The following CPA6 variants were observed in gnomAD, a reference collection of about 807,000 sequenced individuals.
The protein encoded by CPA6 is carboxypeptidase B.
CPA6 carries 58 observed loss-of-function variants against 63.3 expected under a neutral mutation model. That is an observed-to-expected ratio of 0.92 (90% CI 0.74 to 1.14). CPA6 has a LOEUF of 1.14. Ranked by LOEUF, CPA6 falls within the 50% of genes most tolerant of loss-of-function variation. The pLI, the probability that CPA6 is intolerant of heterozygous loss-of-function variation, is 0.00. For synonymous variants in CPA6, 185 were observed against 179.0 expected, an observed-to-expected ratio of 1.03 and a Z score of -0.27; for missense variants, 565 against 526.6, an observed-to-expected ratio of 1.07 and a Z score of -0.71.
intron 2 of CPA6, among the ~76,000 whole-genome samples, chr8:67,588,829 G>A (rs1814020540): frequency 1.3e-5 from 2 of 152,258 alleles, no homozygotes; most frequent in Admixed American, 1.3e-4. Context: ...GAGACTAGAA[G>A]CCAGGTTTAC....
chr8:67,602,655 C>T (rs1814525673), intron 2 of CPA6, among the ~76,000 whole-genome samples: 1 of 152,164 alleles, frequency 6.6e-6, no homozygotes, highest in African/African-American at 2.4e-5. Context: ...CAGTTCACTG[C>T]CAGATCTTAG....
intron 1 of CPA6, among the ~76,000 whole-genome samples, chr8:67,713,079 GTGTA>G (rs1377844792): frequency 9.9e-5 from 8 of 80,870 alleles, no homozygotes; most frequent in Admixed American, 6.8e-4. Flanking sequence ...GTATCTGTGT[GTGTA>G]TGTGTGTGTG....
intron 1 of CPA6, among the ~76,000 whole-genome samples, chr8:67,723,354 C>T (rs1017076164): frequency 6.6e-5 from 10 of 152,106 alleles, no homozygotes; most frequent in African/African-American, 1.7e-4. Context: ...TAAATAGAGA[C>T]GAGGGTCTCA....
intron 1 of CPA6, among the ~76,000 whole-genome samples, chr8:67,744,507 CTT>C (rs1205532403): frequency 1.3e-5 from 2 of 152,132 alleles, no homozygotes; most frequent in African/African-American, 4.8e-5. Flanking sequence ...GGCCTGGTAA[CTT>C]TTCACGGAGG....
chr8:67,648,605 G>T (rs1563376545), intron 1 of CPA6, among the ~76,000 whole-genome samples: 1 of 152,194 alleles, frequency 6.6e-6, no homozygotes, highest in East Asian at 1.9e-4. Flanking sequence ...TACAGGGTCT[G>T]CCACATCGGT....
Position 67,509,601 on chromosome 8 carries a change from A to G in CPA6, c.450T>C (p.His150=), listed in dbSNP as rs573364266. Residue 150 remains histidine (H), a synonymous_variant, in exon 5 of 11, where the codon CAT becomes CAC. Transcript: ENST00000297770. Reference sequence around the variant, plus strand: ...GGCCTGAGTGAGTTTTATTCAGATGATGCATCCAATTTTGAATCTAAGAGC... The same window carrying G: ...GGCCTGAGTGAGTTTTATTCAGATGGTGCATCCAATTTTGAATCTAAGAGC... The part of the protein sequence containing the change: ...HSLEEIQNWM[H]HLNKTHSGLI... 4.4e-6 allele frequency: 7 copies of G among 1,580,626 alleles called. No individual in the cohort carries two copies. The African/African-American group carries it at 6.7e-5, about 15-fold the overall frequency.
intron 8 of CPA6, among the ~76,000 whole-genome samples, chr8:67,481,624 C>T (rs185510373): frequency 6.6e-6 from 1 of 152,314 alleles, no homozygotes; most frequent in Non-Finnish European, 1.5e-5. Context: ...CTGTTTTTGT[C>T]ACTTCCATGC....
chr8:67,506,972 C>G, intron 5 of CPA6, 84 bp from the exon 6 acceptor site: 1 of 994,014 alleles, frequency 1.0e-6, no homozygotes, highest in Non-Finnish European at 1.6e-6. Flanking sequence ...CAGCATAATT[C>G]TTCACTGTAG....
At chr8:67,702,356 T>A (rs776992380) in intron 1 of CPA6, among the ~76,000 whole-genome samples, 1 of 152,208 alleles carries the variant, frequency 6.6e-6, no homozygotes, top group Non-Finnish European at 1.5e-5. Context: ...GTCCTCATGA[T>A]CCCATGTAGC....
intron 2 of CPA6, among the ~76,000 whole-genome samples, chr8:67,547,620 G>C (rs755915302): frequency 1.1e-4 from 17 of 151,914 alleles, no homozygotes; most frequent in Non-Finnish European, 2.2e-4. Flanking sequence ...TCAGCCTCTG[G>C]AGTAGCTGGG....
intron 2 of CPA6, among the ~76,000 whole-genome samples, chr8:67,597,573 C>T (rs1278206053): frequency 6.6e-6 from 1 of 152,004 alleles, no homozygotes; most frequent in Non-Finnish European, 1.5e-5. Context: ...TTCTTCTGCC[C>T]TTCATTTCAC....
chr8:67,500,247 A>G (rs1811804334), intron 6 of CPA6, among the ~76,000 whole-genome samples: 1 of 152,140 alleles, frequency 6.6e-6, no homozygotes, highest in African/African-American at 2.4e-5. Flanking sequence ...TTAGCCACTC[A>G]GATAGGTGTG....
chr8:67,563,462 T>C (rs1440702422), intron 2 of CPA6, among the ~76,000 whole-genome samples: 2 of 152,198 alleles, frequency 1.3e-5, no homozygotes, highest in African/African-American at 2.4e-5. Flanking sequence ...CACCTTTTTT[T>C]CTAAAAATCT....
chr8:67,720,208 GC>G (rs1314585029), intron 1 of CPA6, among the ~76,000 whole-genome samples: 1 of 132,228 alleles, frequency 7.6e-6, no homozygotes, highest in African/African-American at 3.7e-5. Context: ...GCCAGGATGA[GC>G]CAGGAAAAGG....
intron 1 of CPA6, among the ~76,000 whole-genome samples, chr8:67,697,606 A>G (rs1420770654): frequency 2.0e-5 from 3 of 152,198 alleles, no homozygotes; most frequent in African/African-American, 7.2e-5. Context: ...GGGAAAAGGC[A>G]CTCAGTCTCA....
rs67842734 is a variant in CPA6 at position 67,713,099 on chromosome 8, G to GTATATATATATA, written c.116+32903_116+32914dup. Among the ~76,000 whole-genome samples, 78 of 55,010 alleles carry GTATATATATATA rather than the reference G, an allele frequency of 1.4e-3. 2 individuals are homozygous for GTATATATATATA. Among genetic ancestry groups the GTATATATATATA allele is most frequent in the South Asian group, 1.9e-3 (2 of 1,066 alleles). The allele number at this position is 55,010 out of a possible 152,430, so 36.1% of individuals were successfully genotyped here. On this transcript the variant is annotated intron_variant, in intron 1 of 10. Coordinates refer to ENST00000297770, the MANE Select transcript of CPA6 (RefSeq NM_020361.5). Reference sequence around the variant, plus strand: ...TGTGTGTGTATGTGTGTGTGTGTGTGTATATATATATATATATATATATAT... The same window carrying GTATATATATATA: ...TGTGTGTGTATGTGTGTGTGTGTGTGTATATATATATATATATATATATATATATATATATAT...
chr8:67,475,767 CTCTTTCTTTCTTTCTTTCTTTCTTTCTT>C (rs71253008), intron 8 of CPA6, among the ~76,000 whole-genome samples: 1 of 71,602 alleles, frequency 1.4e-5, no homozygotes, highest in African/African-American at 5.3e-5. Context: ...TTCTTTCTTT[CTCTTTCTTTCTTTCTTTCTTTCTTTCTT>C]TCTTTCTTTC....
intron 1 of CPA6, among the ~76,000 whole-genome samples, chr8:67,712,343 G>A (rs761861738): frequency 3.9e-5 from 6 of 152,138 alleles, no homozygotes; most frequent in Non-Finnish European, 8.8e-5. Context: ...CCGTACTGGG[G>A]TGGTAACAGA....
intron 2 of CPA6, among the ~76,000 whole-genome samples, chr8:67,605,635 T>G (rs566541207): frequency 1.3e-5 from 2 of 151,476 alleles, no homozygotes; most frequent in South Asian, 2.1e-4. Context: ...AGTCAGTGGA[T>G]CCACAAGGCT....
Sources: gnomAD v4.1 joint callset for allele counts (sites outside exome capture counted in the v4.1 genomes callset) on GRCh38, gnomAD v4.1.1 for gene constraint, MANE v1.5 for transcripts, NCBI Gene and HGNC (gene_info 2026-07-23, HGNC 2026-07-21) for gene names.